The following PTPRS variants were observed in gnomAD, a reference collection of about 807,000 sequenced individuals.
PTPRS encodes the protein protein tyrosine phosphatase receptor type S, also known as receptor-type tyrosine-protein phosphatase S.
In PTPRS, 63 loss-of-function variants were observed where a neutral mutation model predicts 215.3. The observed-to-expected ratio is 0.29, with a 90% CI of 0.24 to 0.36. PTPRS has a LOEUF of 0.36. PTPRS is among the 10% of genes least tolerant of loss of function. PTPRS has a pLI of 1.00. For missense variants in PTPRS, 2,258 were observed against 2,825.8 expected, an observed-to-expected ratio of 0.80 and a Z score of 4.56; for synonymous variants, 1,404 against 1,191.4, an observed-to-expected ratio of 1.18 and a Z score of -3.68.
intron 17 of PTPRS, 49 bp from the exon 18 acceptor site, chr19:5,223,346 C>T (rs2042181324): frequency 7.1e-7 from 1 of 1,415,686 alleles, no homozygotes; most frequent in African/African-American, 1.5e-5. Flanking sequence ...ATCCGCCAGC[C>T]CAGAGGCACA....
chr19:5,220,420 GC>G, intron 20 of PTPRS, 67 bp from the exon 21 acceptor site: 5 of 1,312,754 alleles, frequency 3.8e-6, no homozygotes, highest in Non-Finnish European at 5.4e-6. Flanking sequence ...CTTCATGGGG[GC>G]AAACGGGGGA....
At chr19:5,324,019 C>T (rs1218346580) in intron 1 of PTPRS, among the ~76,000 whole-genome samples, 4 of 151,932 alleles carry the variant, frequency 2.6e-5, no homozygotes, top group Admixed American at 6.6e-5. Flanking sequence ...TGCTTAAGCT[C>T]AGAAGTTCAA....
rs767635186 is a variant in PTPRS at position 5,210,487 on chromosome 19, G to A, written c.5469C>T (p.Phe1823=). 6.2e-7 allele frequency: 1 copy of A among 1,614,162 alleles called. No individual in the cohort carries two copies. The highest frequency in any genetic ancestry group is 8.5e-7 in the Non-Finnish European group (1 of 1,180,032). ...CACTCACCCGGGCATCTGTGACCTT[G>A]AACTCTCGCAGGATATACTGAGGCA... ...YNMPQYILRE[F]KVTDARDGQS... The change falls in exon 35 of 38, where the codon TTC becomes TTT. Residue 1823 remains phenylalanine, a synonymous_variant. Coordinates refer to ENST00000262963, the MANE Select transcript of PTPRS (RefSeq NM_002850.4). The surrounding 1 kb of genome is among the most constrained non-coding windows in gnomAD (Gnocchi z 4.5).
At chr19:5,218,678 C>T (rs1436872469) in intron 24 of PTPRS, 109 bp downstream of exon 24, 2 of 1,512,798 alleles carry the variant, frequency 1.3e-6, no homozygotes, top group African/African-American at 2.8e-5. Flanking sequence ...GCTACGTGTA[C>T]AAGCTGTGGG....
intron 1 of PTPRS, among the ~76,000 whole-genome samples, chr19:5,304,805 G>A (rs981015959): frequency 2.6e-5 from 4 of 152,080 alleles, no homozygotes; most frequent in Admixed American, 2.0e-4. Context: ...CAGGTAGAAG[G>A]AACAGCATAT....
intron 25 of PTPRS, 129 bp downstream of exon 25, chr19:5,218,291 T>C (rs1212409373): frequency 1.3e-6 from 1 of 771,340 alleles, no homozygotes; most frequent in African/African-American, 1.7e-5. Flanking sequence ...TATTTGGGAA[T>C]CCAGAATGTG....
In PTPRS at chr19:5,231,322, T is replaced by C; in HGVS notation, c.2143A>G (p.Thr715Ala). 1 of 1,607,906 alleles carries C rather than the reference T, an allele frequency of 6.2e-7. No homozygotes were observed. The highest frequency in any genetic ancestry group is 8.5e-7 in the Non-Finnish European group (1 of 1,179,262). Reference protein sequence around the residue: ...GPESSPVVVRTDEDVPSAPPR... With the variant: ...GPESSPVVVRADEDVPSAPPR... Reference sequence around the variant, plus strand: ...GGCAGGTACTTACCATCCTCGTCGGTGCGGACGACCACGGGCGAGCTCTCG... The same window carrying C: ...GGCAGGTACTTACCATCCTCGTCGGCGCGGACGACCACGGGCGAGCTCTCG... The change falls in exon 14 of 38, where the codon ACC (threonine) becomes GCC (alanine). Residue 715 changes from threonine (T) to alanine (A), a missense_variant. Physicochemically the swap from Thr to Ala is moderately conservative, Grantham distance 58 (BLOSUM62 0). Around this residue, in one of 6 missense-constraint regions of PTPRS, gnomAD observed 371 missense variants for 446.7 expected, o/e 0.83. Coordinates refer to ENST00000262963, the MANE Select transcript of PTPRS (RefSeq NM_002850.4).
At chr19:5,262,258 G>T (rs939444261) in intron 6 of PTPRS, among the ~76,000 whole-genome samples, 5 of 152,150 alleles carry the variant, frequency 3.3e-5, no homozygotes, top group Admixed American at 6.5e-5. Flanking sequence ...CTGGGTGACA[G>T]ATTAAGACTG....
chr19:5,217,927 G>A (rs1242128445), intron 25 of PTPRS, among the ~76,000 whole-genome samples: 1 of 152,078 alleles, frequency 6.6e-6, no homozygotes, highest in Non-Finnish European at 1.5e-5. Context: ...CTATAAAGAG[G>A]CATGAACCCT....
At chr19:5,229,405 G>C (rs1181566127) in intron 15 of PTPRS, 63 bp from the exon 16 acceptor site, 9 of 1,350,666 alleles carry the variant, frequency 6.7e-6, no homozygotes, top group Non-Finnish European at 8.6e-6. Flanking sequence ...GCCAGAGATG[G>C]AGAAAGAGAA....
intron 1 of PTPRS, among the ~76,000 whole-genome samples, chr19:5,328,207 C>G (rs1212001744): frequency 6.6e-6 from 1 of 152,166 alleles, no homozygotes; most frequent in Non-Finnish European, 1.5e-5. Context: ...ACCTCTGCCT[C>G]CCGGGTTCAA....
Position 5,257,933 on chromosome 19 carries a change from G to A in PTPRS, c.706+84C>T, listed in dbSNP as rs1396252321. ...CTGCTTGGGTGTGCAGGGGACGGGG[G>A]AGCCCGGAGGCGGTGAGCCCGAGGA... On this transcript the variant is annotated intron_variant, in intron 8 of 37. Coordinates refer to ENST00000262963, the MANE Select transcript of PTPRS (RefSeq NM_002850.4). This position sits in a 1 kb window ranked among gnomAD's most constrained non-coding sequence, Gnocchi z 4.4. The A allele has an allele frequency of 1.7e-6, 2 of 1,211,760 alleles. No individual in the cohort carries two copies. The highest frequency in any genetic ancestry group is 2.4e-6 in the Non-Finnish European group (2 of 845,386). 75.1% of individuals were successfully genotyped at this position (1,211,760 alleles called of 1,614,324 possible).
At position 5,226,576 on chromosome 19, in the gene PTPRS, C is replaced by G. The variant is rs957787547; in HGVS notation, c.2377-732G>C. ...TGAAACTTCGTCTCTACTAAAAATA[C>G]CAAAAAAAAAAAAAAAAAGCAAAAA... is the stretch of plus-strand genomic sequence containing the variant. On this transcript the variant is annotated intron_variant, in intron 16 of 37. Transcript: ENST00000262963. Among the ~76,000 whole-genome samples the G allele has an allele frequency of 4.3e-4, 57 of 134,078 alleles. 1 individual carries two copies. The highest frequency in any genetic ancestry group is 1.8e-3 in the Admixed American group (24 of 13,626). 88.0% of individuals were successfully genotyped at this position (134,078 alleles called of 152,430 possible).
intron 13 of PTPRS, among the ~76,000 whole-genome samples, chr19:5,234,554 T>C (rs544017523): frequency 6.6e-6 from 1 of 152,330 alleles, no homozygotes; most frequent in East Asian, 1.9e-4. Context: ...ATGGACTGGG[T>C]ACGGTAACAG....
rs2045622350 is a variant in PTPRS, at chr19:5,257,173, G to C, written c.706+844C>G. Among the ~76,000 whole-genome samples the C allele has an allele frequency of 2.0e-5, 3 of 150,912 alleles. No homozygotes were observed. The highest frequency in any genetic ancestry group is 4.4e-5 in the Non-Finnish European group (3 of 67,734). On this transcript the variant is annotated intron_variant, in intron 8 of 37. Coordinates refer to ENST00000262963, the MANE Select transcript of PTPRS (RefSeq NM_002850.4). This position sits in a 1 kb window ranked among gnomAD's most constrained non-coding sequence, Gnocchi z 4.4. The stretch of plus-strand genomic sequence containing the variant: ...AAGAGGAGGCCAACGGAGGCATCTG[G>C]GGGCAAGGGAGCCCCCTGGCACCTT...
intron 9 of PTPRS, among the ~76,000 whole-genome samples, chr19:5,249,107 T>C (rs1400054228): frequency 6.6e-6 from 1 of 152,170 alleles, no homozygotes; most frequent in African/African-American, 2.4e-5. Context: ...GATCAAGAGT[T>C]GGAGACCAGC....
At chr19:5,207,798 C>T (rs917907111) in intron 37 of PTPRS, 124 bp downstream of exon 37, 7 of 1,392,760 alleles carry the variant, frequency 5.0e-6, no homozygotes, top group East Asian at 2.3e-5. Context: ...GTCTGTGGAC[C>T]GTCTACCCAC....
Position 5,206,573 on chromosome 19 carries a change from TGCCAGGGAGGTCGCTGGGGCGGCCGGG to T in PTPRS, c.*174_*200del. 2 of 451,422 alleles carry T rather than the reference TGCCAGGGAGGTCGCTGGGGCGGCCGGG, an allele frequency of 4.4e-6. No homozygotes were observed. Among genetic ancestry groups the T allele is most frequent in the Middle Eastern group, 6.3e-4 (1 of 1,598 alleles). 28.0% of individuals were successfully genotyped at this position (451,422 alleles called of 1,614,324 possible). ...CCAAGTATTTGAAGGCGGCGGCCGG[TGCCAGGGAGGTCGCTGGGGCGGCCGGG>T]GCCGGTGGGGGGGCTCGAGGGGCTG... On this transcript the variant is annotated 3_prime_UTR_variant, in exon 38 of 38. Transcript: ENST00000262963.
chr19:5,210,814 G>A lies in PTPRS; in HGVS notation c.5235-9C>T, dbSNP rs773238685. On this transcript the variant is annotated splice_polypyrimidine_tract_variant and intron_variant, in intron 33 of 37. Transcript: ENST00000262963. This position sits in a 1 kb window ranked among gnomAD's most constrained non-coding sequence, Gnocchi z 4.5. Reference sequence around the variant, plus strand: ...TGTAGGCCTTCTGCTGCCTGCAGGCGTTGGGGGTATGAGCCCAGGGCCGGC... The same window carrying A: ...TGTAGGCCTTCTGCTGCCTGCAGGCATTGGGGGTATGAGCCCAGGGCCGGC... The A allele has an allele frequency of 1.7e-5, 27 of 1,612,796 alleles. No homozygotes were observed. Among genetic ancestry groups the A allele is most frequent in the Middle Eastern group, 1.6e-4 (1 of 6,062 alleles).
Sources: gnomAD v4.1 joint callset for allele counts (sites outside exome capture counted in the v4.1 genomes callset) on GRCh38, gnomAD v4.1.1 for gene constraint, gnomAD v4.1.1 regional missense constraint, Gnocchi (gnomAD v3.1) non-coding constraint, MANE v1.5 for transcripts, NCBI Gene and HGNC (gene_info 2026-07-23, HGNC 2026-07-21) for gene names.